The following AGPS variants were observed in gnomAD, a reference collection of about 807,000 sequenced individuals.
AGPS encodes alkylglycerone phosphate synthase.
A neutral mutation model predicts 90.7 loss-of-function variants in AGPS; 26 were observed. The ratio of observed to expected loss-of-function variants is 0.29; its 90% CI spans 0.21 to 0.40. The LOEUF (loss-of-function observed/expected upper bound fraction) is 0.40, where lower values mean the gene tolerates loss of function less well. Among genes scored for constraint, AGPS ranks in the 10% least tolerant of loss-of-function variants. The pLI is 1.00. For missense variants in AGPS, 540 were observed against 816.1 expected, an observed-to-expected ratio of 0.66 and a Z score of 4.12; for synonymous variants, 294 against 285.3, an observed-to-expected ratio of 1.03 and a Z score of -0.31.
chr2:177,423,414 T>G (rs1685989500), intron 2 of AGPS, among the ~76,000 whole-genome samples: 1 of 152,210 alleles, frequency 6.6e-6, no homozygotes, highest in African/African-American at 2.4e-5. Flanking sequence ...TTGTAGAGAC[T>G]TTCTATTCTG....
At chr2:177,525,412 A>T (rs935450654) in intron 19 of AGPS, among the ~76,000 whole-genome samples, 1 of 152,162 alleles carries the variant, frequency 6.6e-6, no homozygotes, top group African/African-American at 2.4e-5. Flanking sequence ...AAGCGAAATG[A>T]TTTAGCCATA....
At chr2:177,495,402 G>A (rs1196467906) in intron 12 of AGPS, among the ~76,000 whole-genome samples, 5 of 151,992 alleles carry the variant, frequency 3.3e-5, no homozygotes, top group Non-Finnish European at 7.4e-5. Flanking sequence ...TTTTGACTAC[G>A]GTCCACAAAT....
intron 1 of AGPS, among the ~76,000 whole-genome samples, chr2:177,418,284 T>A (rs1177401870): frequency 6.6e-6 from 1 of 152,112 alleles, no homozygotes; most frequent in Non-Finnish European, 1.5e-5. Flanking sequence ...TAACAGCAGA[T>A]CTTTCCTGCT....
chr2:177,444,723 A>G (rs1686720285), intron 7 of AGPS, among the ~76,000 whole-genome samples: 1 of 152,196 alleles, frequency 6.6e-6, no homozygotes, highest in African/African-American at 2.4e-5. Flanking sequence ...GAAAGTAGAA[A>G]GAAAGCTTCC....
chr2:177,399,351 A>G (rs1238494489), intron 1 of AGPS, among the ~76,000 whole-genome samples: 1 of 152,196 alleles, frequency 6.6e-6, no homozygotes, highest in African/African-American at 2.4e-5. Context: ...GTTGTAGCAT[A>G]AAGTATTAAT....
chr2:177,393,274 A>T, intron 1 of AGPS: 1 of 985,366 alleles, frequency 1.0e-6, no homozygotes, highest in South Asian at 4.7e-5. Context: ...ATGTGAGGGT[A>T]ACAGGCTTGA....
At chr2:177,474,132 T>C (rs1687706999) in intron 10 of AGPS, among the ~76,000 whole-genome samples, 1 of 152,144 alleles carries the variant, frequency 6.6e-6, no homozygotes, top group South Asian at 2.1e-4. Context: ...TTTATAAAAT[T>C]TGGATATGTA....
chr2:177,431,564 C>G (rs1204068221), intron 2 of AGPS, among the ~76,000 whole-genome samples: 1 of 152,146 alleles, frequency 6.6e-6, no homozygotes, highest in Non-Finnish European at 1.5e-5. Flanking sequence ...GAGACAGACA[C>G]TTCCAGAGCA....
At chr2:177,409,709 C>G (rs1448762350) in intron 1 of AGPS, among the ~76,000 whole-genome samples, 1 of 152,112 alleles carries the variant, frequency 6.6e-6, no homozygotes, top group East Asian at 1.9e-4. Flanking sequence ...TGCCTTCGAT[C>G]TCATCAACAT....
chr2:177,467,905 CT>C (rs1288438778), intron 9 of AGPS, among the ~76,000 whole-genome samples: 1 of 152,086 alleles, frequency 6.6e-6, no homozygotes, highest in Non-Finnish European at 1.5e-5. Flanking sequence ...ATTGTTTCTA[CT>C]GCTTCATCCC....
At chr2:177,499,770 A>G in intron 14 of AGPS, 40 bp downstream of exon 14, 1 of 1,318,260 alleles carries the variant, frequency 7.6e-7, no homozygotes, top group Non-Finnish European at 1.1e-6. Context: ...AAAGAGTTAA[A>G]AGCTAAGATT....
At position 177,434,322 on chromosome 2, in the gene AGPS, C is replaced by G. The variant is rs370074934; in HGVS notation, c.351-5C>G. Reference sequence around the variant, plus strand: ...TCTAATATTTTTACTTTCTTTGTACCTTAGGTACCCTCTTAGTGGCATGGG... The same window carrying G: ...TCTAATATTTTTACTTTCTTTGTACGTTAGGTACCCTCTTAGTGGCATGGG... On this transcript the variant is annotated splice_polypyrimidine_tract_variant and splice_region_variant and intron_variant, in intron 2 of 19. Transcript: ENST00000264167. 2.5e-6 allele frequency: 4 copies of G among 1,598,770 alleles called. No individual in the cohort carries two copies. Among genetic ancestry groups the G allele is most frequent in the African/African-American group, 2.7e-5 (2 of 74,478 alleles).
At chr2:177,528,133 A>G (rs1211231949) in intron 19 of AGPS, among the ~76,000 whole-genome samples, 12 of 152,134 alleles carry the variant, frequency 7.9e-5, no homozygotes, top group Admixed American at 7.9e-4. Context: ...GATTATCTCA[A>G]GTTTCACAAT....
chr2:177,500,653 A>G (rs59421055), intron 14 of AGPS, among the ~76,000 whole-genome samples: 17,084 of 151,986 alleles, frequency 0.11, 1,253 homozygotes, highest in East Asian at 0.36. Context: ...CTAATCTTAG[A>G]CTTAAATTTT....
chr2:177,513,966 C>A, intron 17 of AGPS, 58 bp downstream of exon 17: 1 of 1,270,584 alleles, frequency 7.9e-7, no homozygotes, highest in South Asian at 1.2e-5. Flanking sequence ...TTTTTTTAAT[C>A]AAGGGGGGGA....
In AGPS at chr2:177,541,608, TA is replaced by T. The variant is rs1427203014; in HGVS notation, c.*3415del. The T allele has an allele frequency of 6.6e-6, 1 of 152,198 alleles. No homozygotes were observed. The highest frequency in any genetic ancestry group is 2.4e-5 in the African/African-American group (1 of 41,462). 9.4% of individuals were successfully genotyped at this position (152,198 alleles called of 1,614,324 possible). On this transcript the variant is annotated 3_prime_UTR_variant, in exon 20 of 20. Coordinates refer to ENST00000264167, the MANE Select transcript of AGPS (RefSeq NM_003659.4). ...TTTAATAATTTTTTTGTTTACCACT[TA>T]ATCTTTATCAACTTTGATTTTAGTT... is the stretch of plus-strand genomic sequence containing the variant.
At chr2:177,496,680 A>G (rs891257312) in intron 12 of AGPS, among the ~76,000 whole-genome samples, 1 of 152,122 alleles carries the variant, frequency 6.6e-6, no homozygotes, top group Non-Finnish European at 1.5e-5. Flanking sequence ...TATGTAACAC[A>G]GTTTCCTATT....
chr2:177,404,007 G>A (rs888608927), intron 1 of AGPS, among the ~76,000 whole-genome samples: 5 of 152,112 alleles, frequency 3.3e-5, no homozygotes, highest in Non-Finnish European at 5.9e-5. Context: ...TACATCATTC[G>A]CTGATCTCAT....
At chr2:177,458,161 A>G (rs560266552) in intron 8 of AGPS, among the ~76,000 whole-genome samples, 31 of 152,312 alleles carry the variant, frequency 2.0e-4, no homozygotes, top group Non-Finnish European at 4.4e-4. Flanking sequence ...AAAAACTCTC[A>G]ATAAACTAGG....
Sources: gnomAD v4.1 joint callset for allele counts (sites outside exome capture counted in the v4.1 genomes callset) on GRCh38, gnomAD v4.1.1 for gene constraint, MANE v1.5 for transcripts, NCBI Gene and HGNC (gene_info 2026-07-23, HGNC 2026-07-21) for gene names.